RAB15: variants seen among roughly 807,000 people sequenced by gnomAD.
The protein encoded by RAB15 is RAB15, member RAS oncogene family.
A neutral mutation model predicts 31.8 loss-of-function variants in RAB15; 13 were observed. The observed-to-expected ratio is 0.41, with a 90% CI of 0.27 to 0.65. The LOEUF (loss-of-function observed/expected upper bound fraction) is 0.65. Ranked by LOEUF, RAB15 falls within the 30% of genes least tolerant of loss-of-function variation. The pLI is 0.32. For synonymous variants in RAB15, 100 were observed against 105.6 expected, an observed-to-expected ratio of 0.95 and a Z score of 0.33; for missense variants, 220 against 277.3, an observed-to-expected ratio of 0.79 and a Z score of 1.47.
chr14:64,966,115 G>T (rs1200258492), intron 1 of RAB15, among the ~76,000 whole-genome samples: 1 of 152,200 alleles, frequency 6.6e-6, no homozygotes, highest in Non-Finnish European at 1.5e-5. Context: ...GCCAGGGAAA[G>T]GGGGGTACTA....
In RAB15 at chr14:64,968,623, C is replaced by A. The variant is rs1887259563; in HGVS notation, c.124+3330G>T. Among the ~76,000 whole-genome samples the A allele has an allele frequency of 2.6e-5, 4 of 152,178 alleles. No homozygotes were observed. Reference sequence around the variant, plus strand: ...CAGATATCTCATTTTGGCACTAGCTCTTTGTTTTTTGTTTTTCCCTTTGTC... The same window carrying A: ...CAGATATCTCATTTTGGCACTAGCTATTTGTTTTTTGTTTTTCCCTTTGTC... On this transcript the variant is annotated intron_variant, in intron 1 of 6. Transcript: ENST00000533601. This position sits in a 1 kb window ranked among gnomAD's most constrained non-coding sequence, Gnocchi z 4.9.
Position 64,953,304 on chromosome 14 carries a change from A to G in RAB15, c.125-733T>C, listed in dbSNP as rs1054128265. Among the ~76,000 whole-genome samples, 6 of 152,196 alleles carry G rather than the reference A, an allele frequency of 3.9e-5. No individual in the cohort carries two copies. Among genetic ancestry groups the G allele is most frequent in the African/African-American group, 1.4e-4 (6 of 41,452 alleles). On this transcript the variant is annotated intron_variant, in intron 1 of 6. Transcript: ENST00000533601. This position sits in a 1 kb window ranked among gnomAD's most constrained non-coding sequence, Gnocchi z 4.6. ...TGAGCGTCCATTTCTGCCTCAGTAA[A>G]TATCTTCATCAGGGACATTACCAGT...
Position 64,971,836 on chromosome 14 carries a change from C to T in RAB15, c.124+117G>A. The stretch of plus-strand genomic sequence containing the variant: ...GAGATTTATCCCGGACTCCGGCCTC[C>T]GGCGCCACCGCCTCCAGCCGGAGGG... On this transcript the variant is annotated intron_variant, in intron 1 of 6. Coordinates refer to ENST00000533601, the MANE Select transcript of RAB15 (RefSeq NM_001308154.2). This position sits in a 1 kb window ranked among gnomAD's most constrained non-coding sequence, Gnocchi z 4.1. The T allele has an allele frequency of 2.0e-6, 2 of 1,007,640 alleles. No individual in the cohort carries two copies. Among genetic ancestry groups the T allele is most frequent in the Non-Finnish European group, 2.9e-6 (2 of 696,498 alleles). The allele number at this position is 1,007,640 out of a possible 1,614,324, so 62.4% of individuals were successfully genotyped here. A position where few individuals can be genotyped will look rare whatever the true frequency, so the allele number is the denominator to read the frequency against.
intron 1 of RAB15, among the ~76,000 whole-genome samples, chr14:64,965,846 G>A (rs993851303): frequency 7.9e-5 from 12 of 152,156 alleles, no homozygotes; most frequent in African/African-American, 1.9e-4. Flanking sequence ...GTGCATCTGC[G>A]GATCTGTGGC....
At position 64,951,607 on chromosome 14, in the gene RAB15, G is replaced by A. The variant is rs918193754; in HGVS notation, c.242C>T (p.Ala81Val). 1 of 1,613,972 alleles carries A rather than the reference G, an allele frequency of 6.2e-7. No individual in the cohort carries two copies. The highest frequency in any genetic ancestry group is 1.1e-5 in the South Asian group (1 of 91,076). Residue 81 changes from alanine to valine, a missense_variant, in exon 3 of 7, where the codon GCC becomes GTC. Ala to Val is a moderately conservative substitution (Grantham distance 64, BLOSUM62 0). Coordinates refer to ENST00000533601, the MANE Select transcript of RAB15 (RefSeq NM_001308154.2). The surrounding 1 kb of genome is among the most constrained non-coding windows in gnomAD (Gnocchi z 7.2). ...QTITKQYYRR[A>V]QGIFLVYDIS... is the part of the protein sequence containing the mutation. ...ACCCCCAATGTGGTGGCTTACCTGG[G>A]CCCGCCGATAGTACTGCTTTGTGAT...
chr14:64,959,745 C>T (rs549577245), intron 1 of RAB15, among the ~76,000 whole-genome samples: 1 of 150,630 alleles, frequency 6.6e-6, no homozygotes, highest in East Asian at 2.0e-4. Flanking sequence ...TGATGGTGTC[C>T]ACCTGTGGTC....
rs1886484589 is a variant in RAB15, at chr14:64,955,284, C to A, written c.125-2713G>T. On this transcript the variant is annotated intron_variant, in intron 1 of 6. Coordinates refer to ENST00000533601, the MANE Select transcript of RAB15 (RefSeq NM_001308154.2). This position sits in a 1 kb window ranked among gnomAD's most constrained non-coding sequence, Gnocchi z 4.4. ...TTAAATTTAAAAAAGGTTAACAGCC[C>A]AAGGATCTTCAAGAGGAATCTATTG... Among the ~76,000 whole-genome samples the A allele has an allele frequency of 6.6e-6, 1 of 152,096 alleles. No homozygotes were observed. Among genetic ancestry groups the A allele is most frequent in the African/African-American group, 2.4e-5 (1 of 41,396 alleles).
In RAB15 at chr14:64,958,632, C is replaced by T. The variant is rs1401491988; in HGVS notation, c.125-6061G>A. Among the ~76,000 whole-genome samples the T allele has an allele frequency of 5.9e-5, 9 of 152,280 alleles. No individual in the cohort carries two copies. In the South Asian group the frequency reaches 1.9e-3, roughly 32 times the overall value. Reference sequence around the variant, plus strand: ...TCCAGTAAGTCCAGATTCATCACCCCGACAGTGTCCCTACAAAACAGTCTA... The same window carrying T: ...TCCAGTAAGTCCAGATTCATCACCCTGACAGTGTCCCTACAAAACAGTCTA... On this transcript the variant is annotated intron_variant, in intron 1 of 6. Coordinates refer to ENST00000533601, the MANE Select transcript of RAB15 (RefSeq NM_001308154.2). The surrounding 1 kb of genome is among the most constrained non-coding windows in gnomAD (Gnocchi z 4.4).
Position 64,948,353 on chromosome 14 carries a change from C to T in RAB15, c.*1G>A, listed in dbSNP as rs757028315. 1.7e-5 allele frequency: 27 copies of T among 1,552,760 alleles called. No individual in the cohort carries two copies. The East Asian group carries it at 5.5e-4, about 32-fold the overall frequency. On this transcript the variant is annotated 3_prime_UTR_variant, in exon 7 of 7. Transcript: ENST00000533601. The surrounding 1 kb of genome is among the most constrained non-coding windows in gnomAD (Gnocchi z 7.0). ...GTCGTGTGGGGTGCCCCACACAGGA[C>T]TCAGCACCAGCAGGTTTTCGAAGAG... is the stretch of plus-strand genomic sequence containing the variant.
chr14:64,961,449 T>A (rs898511832), intron 1 of RAB15, among the ~76,000 whole-genome samples: 4 of 152,240 alleles, frequency 2.6e-5, no homozygotes, highest in Admixed American at 6.5e-5. Context: ...AAGGTCCATG[T>A]TGCCTATTAT....
chr14:64,950,862 A>G lies in RAB15; in HGVS notation c.324+212T>C. The G allele has an allele frequency of 1.1e-6, 1 of 938,524 alleles. No individual in the cohort carries two copies. Among genetic ancestry groups the G allele is most frequent in the African/African-American group, 1.6e-5 (1 of 60,650 alleles). 58.1% of individuals were successfully genotyped at this position (938,524 alleles called of 1,614,324 possible). ...GACTTGGAACTAATTCATTTCCGGG[A>G]AAGACACAGCCGTGGAGGCCTGGCA... is the stretch of plus-strand genomic sequence containing the variant. On this transcript the variant is annotated intron_variant, in intron 4 of 6. Transcript: ENST00000533601. The surrounding 1 kb of genome is among the most constrained non-coding windows in gnomAD (Gnocchi z 5.6).
At chr14:64,957,343 A>ACC (rs1886633358) in intron 1 of RAB15, among the ~76,000 whole-genome samples, 2 of 152,162 alleles carry the variant, frequency 1.3e-5, no homozygotes, top group South Asian at 4.2e-4. Flanking sequence ...TCTCACTCCT[A>ACC]CCTTCCCTCT....
rs941518829 is a variant in RAB15 at position 64,968,783 on chromosome 14, C to T, written c.124+3170G>A. 7.2e-5 allele frequency among the ~76,000 whole-genome samples: 11 copies of T among 152,192 alleles called. No individual in the cohort carries two copies. The highest frequency in any genetic ancestry group is 3.8e-4 in the East Asian group (2 of 5,200). On this transcript the variant is annotated intron_variant, in intron 1 of 6. Coordinates refer to ENST00000533601, the MANE Select transcript of RAB15 (RefSeq NM_001308154.2). The surrounding 1 kb of genome is among the most constrained non-coding windows in gnomAD (Gnocchi z 4.9). ...TAAGGTAGTATTTTGGGGACCCCTT[C>T]GCACCAACCCCCAGCCAGGCCAGCA...
chr14:64,969,404 A>G (rs1205481021), intron 1 of RAB15, among the ~76,000 whole-genome samples: 2 of 152,232 alleles, frequency 1.3e-5, no homozygotes, highest in Non-Finnish European at 2.9e-5. Flanking sequence ...TTTAAGTTTT[A>G]GTTAATGCTG....
Position 64,948,783 on chromosome 14 carries a change from G to T in RAB15, c.415-50C>A. On this transcript the variant is annotated intron_variant, in intron 5 of 6. Coordinates refer to ENST00000533601, the MANE Select transcript of RAB15 (RefSeq NM_001308154.2). The surrounding 1 kb of genome is among the most constrained non-coding windows in gnomAD (Gnocchi z 7.0). ...AGAGAGTCAGTAAGGCAGGGGAGGG[G>T]CCCATACAACCAGGCACAGGCTTCT... The T allele has an allele frequency of 6.5e-7, 1 of 1,542,978 alleles. No homozygotes were observed. Among genetic ancestry groups the T allele is most frequent in the Non-Finnish European group, 8.9e-7 (1 of 1,118,052 alleles).
At chr14:64,949,722 C>CAAAAAAA (rs200189142) in intron 5 of RAB15, among the ~76,000 whole-genome samples, 2 of 85,406 alleles carry the variant, frequency 2.3e-5, no homozygotes, top group Non-Finnish European at 4.8e-5. Flanking sequence ...GACTCCATCT[C>CAAAAAAA]AAAAAAAAAA....
rs1358305537 is a variant in RAB15 at position 64,955,393 on chromosome 14, A to G, written c.125-2822T>C. 6.6e-6 allele frequency among the ~76,000 whole-genome samples: 1 copy of G among 152,144 alleles called. No individual in the cohort carries two copies. Among genetic ancestry groups the G allele is most frequent in the African/African-American group, 2.4e-5 (1 of 41,418 alleles). ...GCCCTGGCCCCAGTAACCCGTGCCCATCGTGGCTCCTTCCCTCTCCCTGCG... is the reference window on the plus strand; with the variant it reads ...GCCCTGGCCCCAGTAACCCGTGCCCGTCGTGGCTCCTTCCCTCTCCCTGCG... On this transcript the variant is annotated intron_variant, in intron 1 of 6. Transcript: ENST00000533601. The surrounding 1 kb of genome is among the most constrained non-coding windows in gnomAD (Gnocchi z 4.4).
intron 1 of RAB15, among the ~76,000 whole-genome samples, chr14:64,960,919 A>C (rs993854799): frequency 6.6e-6 from 1 of 152,188 alleles, no homozygotes; most frequent in Admixed American, 6.5e-5. Flanking sequence ...CAATTCTGGC[A>C]CAGGTAGGGT....
In RAB15 at chr14:64,954,055, A is replaced by C; in HGVS notation, c.125-1484T>G. ...ATTCTGTCTCTTCCTTCCCACCATC[A>C]AGACCAATCATCATTTAATTACAAG... is the stretch of plus-strand genomic sequence containing the variant. On this transcript the variant is annotated intron_variant, in intron 1 of 6. Coordinates refer to ENST00000533601, the MANE Select transcript of RAB15 (RefSeq NM_001308154.2). This position sits in a 1 kb window ranked among gnomAD's most constrained non-coding sequence, Gnocchi z 4.3. 1.0e-6 allele frequency: 1 copy of C among 985,436 alleles called. No homozygotes were observed. Among genetic ancestry groups the C allele is most frequent in the Non-Finnish European group, 1.2e-6 (1 of 829,944 alleles). The allele number at this position is 985,436 out of a possible 1,614,324, so 61.0% of individuals were successfully genotyped here.
Sources: gnomAD v4.1 joint callset for allele counts (sites outside exome capture counted in the v4.1 genomes callset) on GRCh38, gnomAD v4.1.1 for gene constraint, Gnocchi (gnomAD v3.1) non-coding constraint, MANE v1.5 for transcripts, NCBI Gene and HGNC (gene_info 2026-07-23, HGNC 2026-07-21) for gene names.